CERT1: variants seen among roughly 807,000 people sequenced by gnomAD.
CERT1 encodes the protein ceramide transporter 1.
A neutral mutation model predicts 87.9 loss-of-function variants in CERT1; 31 were observed. The ratio of observed to expected loss-of-function variants is 0.35; its 90% CI spans 0.27 to 0.48. The LOEUF (loss-of-function observed/expected upper bound fraction) is 0.48, where lower values mean the gene tolerates loss of function less well. Among genes scored for constraint, CERT1 ranks in the 20% least tolerant of loss-of-function variants. CERT1 has a pLI of 0.99. For synonymous variants in CERT1, 289 were observed against 250.9 expected, an observed-to-expected ratio of 1.15 and a Z score of -1.44; for missense variants, 487 against 758.0, an observed-to-expected ratio of 0.64 and a Z score of 4.20.
At chr5:75,417,812 T>A (rs1157588958) in intron 6 of CERT1, among the ~76,000 whole-genome samples, 1 of 152,192 alleles carries the variant, frequency 6.6e-6, no homozygotes, top group Admixed American at 6.5e-5. Flanking sequence ...GTGGCATATA[T>A]TTAATAAAGA....
intron 17 of CERT1, chr5:75,370,665 A>T (rs1282717546): frequency 2.0e-5 from 3 of 152,096 alleles, no homozygotes; most frequent in Non-Finnish European, 4.4e-5. Context: ...TTAAAAAAAA[A>T]ACTGAGCTGG....
At chr5:75,437,138 T>A (rs1340454919) in intron 3 of CERT1, among the ~76,000 whole-genome samples, 1 of 152,300 alleles carries the variant, frequency 6.6e-6, no homozygotes, top group South Asian at 2.1e-4. Context: ...CCAGTATTAA[T>A]GAGTCTTAAA....
intron 3 of CERT1, among the ~76,000 whole-genome samples, chr5:75,453,785 G>A (rs186624626): frequency 6.6e-6 from 1 of 151,486 alleles, no homozygotes; most frequent in African/African-American, 2.4e-5. Flanking sequence ...TAGAAGTCCT[G>A]TAAAATAAAA....
At position 75,511,212 on chromosome 5, in the gene CERT1, G is replaced by T. The variant is rs551811011; in HGVS notation, c.-5C>A. On this transcript the variant is annotated 5_prime_UTR_variant, in exon 1 of 17. Coordinates refer to ENST00000643780, the MANE Select transcript of CERT1 (RefSeq NM_001379029.1). The stretch of plus-strand genomic sequence containing the variant: ...CCAGCTCTGATTATCCGACATGGAG[G>T]CTCGACAACCGAGCAGGAGACCGGC... The T allele has an allele frequency of 4.3e-6, 7 of 1,612,598 alleles. No individual in the cohort carries two copies. The highest frequency in any genetic ancestry group is 1.7e-5 in the Admixed American group (1 of 59,942).
rs943392229 is a variant in CERT1 at position 75,384,630 on chromosome 5, A to C, written c.1488+12T>G. Reference sequence around the variant, plus strand: ...ATTGAAATCCTTTTAGGATGAATGAAGAGATCTTTACCTTGTGTGTTTGAT... The same window carrying C: ...ATTGAAATCCTTTTAGGATGAATGACGAGATCTTTACCTTGTGTGTTTGAT... On this transcript the variant is annotated intron_variant, in intron 14 of 16. Transcript: ENST00000643780. 3 of 1,564,092 alleles carry C rather than the reference A, an allele frequency of 1.9e-6. No individual in the cohort carries two copies. Among genetic ancestry groups the C allele is most frequent in the Non-Finnish European group, 2.6e-6 (3 of 1,136,422 alleles).
chr5:75,407,910 A>G (rs1422804682), intron 8 of CERT1, among the ~76,000 whole-genome samples: 1 of 151,380 alleles, frequency 6.6e-6, no homozygotes, highest in Non-Finnish European at 1.5e-5. Context: ...TAAAAAAAAA[A>G]AACATAAAAT....
intron 6 of CERT1, among the ~76,000 whole-genome samples, chr5:75,417,985 C>T (rs546074484): frequency 7.6e-4 from 116 of 152,244 alleles, no homozygotes; most frequent in Non-Finnish European, 1.3e-3. Context: ...GGAGAAACCC[C>T]GTCTCCACTA....
intron 2 of CERT1, among the ~76,000 whole-genome samples, chr5:75,468,767 T>TA (rs1172983372): frequency 6.6e-6 from 1 of 152,152 alleles, no homozygotes; most frequent in East Asian, 1.9e-4. Context: ...GTCATGGGCT[T>TA]AGAGATCACA....
intron 16 of CERT1, among the ~76,000 whole-genome samples, chr5:75,380,360 T>C (rs1251502578): frequency 2.0e-5 from 3 of 152,170 alleles, no homozygotes; most frequent in African/African-American, 7.2e-5. Context: ...TAATAAGGAC[T>C]AGGGGAACAT....
chr5:75,451,882 T>C (rs1342596845), intron 3 of CERT1, among the ~76,000 whole-genome samples: 2 of 152,096 alleles, frequency 1.3e-5, no homozygotes, highest in African/African-American at 4.8e-5. Context: ...ATGGGGGAAA[T>C]ATTTCATTAT....
intron 2 of CERT1, 147 bp from the exon 3 acceptor site, chr5:75,459,328 G>T: frequency 1.7e-6 from 1 of 595,358 alleles, no homozygotes; most frequent in Non-Finnish European, 3.0e-6. Context: ...CTTGTCTGAA[G>T]ATAAGAATGT....
chr5:75,490,995 T>C (rs1580847348), intron 2 of CERT1, among the ~76,000 whole-genome samples: 1 of 152,164 alleles, frequency 6.6e-6, no homozygotes, highest in Admixed American at 6.5e-5. Context: ...GTGTTGTATA[T>C]TTTGAGTTCT....
At chr5:75,414,891 A>G (rs1469707269) in intron 7 of CERT1, among the ~76,000 whole-genome samples, 1 of 152,130 alleles carries the variant, frequency 6.6e-6, no homozygotes, top group Non-Finnish European at 1.5e-5. Flanking sequence ...CACAGCAGGC[A>G]CACACCTGAA....
intron 2 of CERT1, among the ~76,000 whole-genome samples, chr5:75,471,738 G>C (rs1295192327): frequency 1.5e-5 from 2 of 133,670 alleles, no homozygotes; most frequent in Non-Finnish European, 3.1e-5. Flanking sequence ...CCTTGTGACA[G>C]AGTGAGACTT....
chr5:75,466,672 AG>A (rs1765468191), intron 2 of CERT1, among the ~76,000 whole-genome samples: 1 of 152,132 alleles, frequency 6.6e-6, no homozygotes, highest in African/African-American at 2.4e-5. Context: ...TCATTCCAGG[AG>A]GGTCCTAAGG....
intron 8 of CERT1, among the ~76,000 whole-genome samples, chr5:75,407,768 A>G (rs1243428741): frequency 6.6e-6 from 1 of 152,026 alleles, no homozygotes; most frequent in Non-Finnish European, 1.5e-5. Flanking sequence ...GTGCCCTTAT[A>G]CAAAGGCTGG....
chr5:75,511,178 C>T lies in CERT1; in HGVS notation c.30G>A (p.Ser10=). 6.2e-7 allele frequency: 1 copy of T among 1,612,790 alleles called. No individual in the cohort carries two copies. Among genetic ancestry groups the T allele is most frequent in the Non-Finnish European group, 8.5e-7 (1 of 1,179,686 alleles). The stretch of plus-strand genomic sequence containing the variant: ...CCGTCTCTGGATCCTCCTCCGAGCC[C>T]GACGAGTTCCAGCTCTGATTATCCG... MSDNQSWNS[S]GSEEDPETES... The change falls in exon 1 of 17, where the codon TCG becomes TCA. Residue 10 remains serine, a synonymous_variant. Transcript: ENST00000643780.
At chr5:75,377,083 TG>T (rs1761347292), downstream of CERT1, 1 of 152,236 alleles carries the variant, frequency 6.6e-6, no homozygotes, top group Non-Finnish European at 1.5e-5. Flanking sequence ...ATATTTTAAA[TG>T]TTATTACAAA....
chr5:75,485,098 G>GTTTGGGCCAA (rs756437685), intron 2 of CERT1, among the ~76,000 whole-genome samples: 3 of 151,978 alleles, frequency 2.0e-5, no homozygotes, highest in Non-Finnish European at 4.4e-5. Flanking sequence ...AGAATGACCA[G>GTTTGGGCCAA]TTTGGGCCAA....
Sources: allele counts gnomAD v4.1 joint callset (sites outside exome capture counted in the v4.1 genomes callset), GRCh38; gene constraint gnomAD v4.1.1; transcripts MANE v1.5; gene names NCBI Gene and HGNC (gene_info 2026-07-23, HGNC 2026-07-21).